SLC16A14: variants seen among roughly 807,000 people sequenced by gnomAD.
The protein encoded by SLC16A14 is solute carrier family 16 member 14.
In SLC16A14, 14 loss-of-function variants were observed where a neutral mutation model predicts 35.8. That is an observed-to-expected ratio of 0.39 (90% CI 0.26 to 0.61). SLC16A14 has a LOEUF of 0.61. SLC16A14 is among the 20% of genes least tolerant of loss of function. The probability of loss-of-function intolerance (pLI) is 0.51; values close to 1 mark genes in which losing one functional copy is unlikely to be tolerated. For missense variants in SLC16A14, 533 were observed against 655.0 expected, an observed-to-expected ratio of 0.81 and a Z score of 2.03; for synonymous variants, 248 against 258.9, an observed-to-expected ratio of 0.96 and a Z score of 0.40.
At chr2:230,052,193 C>T (rs1424907322) in intron 2 of SLC16A14, among the ~76,000 whole-genome samples, 1 of 152,068 alleles carries the variant, frequency 6.6e-6, no homozygotes, top group East Asian at 1.9e-4. Context: ...TCTCGGCCTC[C>T]CAAAGTGCTG....
chr2:230,058,954 A>G, intron 2 of SLC16A14, 140 bp downstream of exon 2: 3 of 1,439,860 alleles, frequency 2.1e-6, no homozygotes, highest in Middle Eastern at 2.6e-4. Context: ...ATTTTATGTT[A>G]TGCATATTTT....
At chr2:230,056,447 G>A (rs964317316) in intron 2 of SLC16A14, among the ~76,000 whole-genome samples, 1 of 151,950 alleles carries the variant, frequency 6.6e-6, no homozygotes, top group African/African-American at 2.4e-5. Flanking sequence ...GTAAAGGCAG[G>A]GTTTCACCAT....
intron 2 of SLC16A14, among the ~76,000 whole-genome samples, chr2:230,052,505 A>G (rs1359354694): frequency 6.6e-6 from 1 of 152,132 alleles, no homozygotes; most frequent in African/African-American, 2.4e-5. Context: ...TAGCCTTTTC[A>G]AAGGTCAACA....
intron 2 of SLC16A14, among the ~76,000 whole-genome samples, chr2:230,052,938 CTCTT>C (rs1048440496): frequency 2.3e-5 from 3 of 131,624 alleles, no homozygotes; most frequent in Non-Finnish European, 3.4e-5. Flanking sequence ...CTTTCTCTCT[CTCTT>C]TCTTTCTTTC....
intron 1 of SLC16A14, among the ~76,000 whole-genome samples, chr2:230,061,794 G>C (rs1436025455): frequency 6.6e-6 from 1 of 150,988 alleles, no homozygotes; most frequent in Non-Finnish European, 1.5e-5. Context: ...CAGGCTGGAG[G>C]GCAGTGGCGT....
intron 4 of SLC16A14, among the ~76,000 whole-genome samples, chr2:230,044,921 T>C (rs887687204): frequency 6.6e-6 from 1 of 152,088 alleles, no homozygotes; most frequent in African/African-American, 2.4e-5. Flanking sequence ...TGGCAACTTA[T>C]TATCGCAACA....
intron 2 of SLC16A14, among the ~76,000 whole-genome samples, chr2:230,052,824 G>A (rs1334675813): frequency 1.3e-5 from 2 of 151,548 alleles, no homozygotes; most frequent in Non-Finnish European, 2.9e-5. Context: ...CAGAAATGCT[G>A]TGACTTCTCC....
chr2:230,054,058 TG>T (rs2077684130), intron 2 of SLC16A14, among the ~76,000 whole-genome samples: 1 of 146,458 alleles, frequency 6.8e-6, no homozygotes, highest in African/African-American at 2.5e-5. Flanking sequence ...TCCTGATACT[TG>T]GAGCCCATCC....
At chr2:230,042,413 T>A (rs2077568116) in intron 4 of SLC16A14, among the ~76,000 whole-genome samples, 1 of 152,236 alleles carries the variant, frequency 6.6e-6, no homozygotes, top group African/African-American at 2.4e-5. Flanking sequence ...CTCTGGTGCG[T>A]TGACTAACAT....
At chr2:230,053,850 G>A (rs1432432523) in intron 2 of SLC16A14, among the ~76,000 whole-genome samples, 1 of 152,174 alleles carries the variant, frequency 6.6e-6, no homozygotes. Context: ...CATCCTGGCA[G>A]CTGACAGGTT....
chr2:230,050,418 C>G (rs896106715), intron 2 of SLC16A14, among the ~76,000 whole-genome samples: 9 of 152,160 alleles, frequency 5.9e-5, no homozygotes, highest in Non-Finnish European at 8.8e-5. Context: ...TAAACCTGGC[C>G]TCAATTACAT....
rs762302084 is a variant in SLC16A14, at chr2:230,059,220, T to C, written c.133A>G (p.Ile45Val). The C allele has an allele frequency of 6.2e-7, 1 of 1,614,178 alleles. No individual in the cohort carries two copies. ...MMVLSSFFVH[I>V]LIMGSQMALG... The stretch of plus-strand genomic sequence containing the variant: ...GCCATCTGGGAGCCCATGATGAGGA[T>C]GTGCACAAAGAAAGAGGAGAGCACC... The change falls in exon 2 of 5, where the codon ATC (isoleucine) becomes GTC (valine). Residue 45 changes from isoleucine (I) to valine (V), a missense_variant. Ile to Val is a conservative substitution (Grantham distance 29). Transcript: ENST00000295190.
rs1057068874 is a variant in SLC16A14 at position 230,036,244 on chromosome 2, A to G, written c.*1136T>C. On this transcript the variant is annotated 3_prime_UTR_variant, in exon 5 of 5. Coordinates refer to ENST00000295190, the MANE Select transcript of SLC16A14 (RefSeq NM_152527.5). ...GAAAGGGCATTATTAGATGTCATGGATCACAGTCATCTTCTGTATGAAATC... is the reference window on the plus strand; with the variant it reads ...GAAAGGGCATTATTAGATGTCATGGGTCACAGTCATCTTCTGTATGAAATC... The G allele has an allele frequency of 9.2e-5, 14 of 152,636 alleles. No homozygotes were observed. The highest frequency in any genetic ancestry group is 3.4e-4 in the African/African-American group (14 of 41,466). 9.5% of individuals were successfully genotyped at this position (152,636 alleles called of 1,614,324 possible).
At chr2:230,063,217 G>T (rs187917110) in intron 1 of SLC16A14, among the ~76,000 whole-genome samples, 2 of 151,414 alleles carry the variant, frequency 1.3e-5, no homozygotes, top group Admixed American at 1.3e-4. Context: ...AAGCTGTGGG[G>T]GTGAAGGTTG....
At chr2:230,054,660 G>A (rs2077690622) in intron 2 of SLC16A14, among the ~76,000 whole-genome samples, 1 of 152,116 alleles carries the variant, frequency 6.6e-6, no homozygotes, top group South Asian at 2.1e-4. Flanking sequence ...CCCTACCCTT[G>A]GCTAAATTAA....
chr2:230,057,457 G>T (rs539615651), intron 2 of SLC16A14, among the ~76,000 whole-genome samples: 119 of 152,226 alleles, frequency 7.8e-4, no homozygotes, highest in Admixed American at 1.1e-3. Context: ...ATGTTCCCAT[G>T]TTAAACAATT....
At chr2:230,039,778 C>T (rs2077545437) in intron 4 of SLC16A14, among the ~76,000 whole-genome samples, 3 of 152,190 alleles carry the variant, frequency 2.0e-5, no homozygotes, top group Admixed American at 2.0e-4. Context: ...CTGTAACTAA[C>T]AAACAGCTGA....
At chr2:230,067,772 T>A (rs1359689250) in intron 1 of SLC16A14, among the ~76,000 whole-genome samples, 1 of 152,158 alleles carries the variant, frequency 6.6e-6, no homozygotes, top group Non-Finnish European at 1.5e-5. Context: ...CTTGGCAGCG[T>A]TTAGCCCCGA....
chr2:230,039,981 C>T (rs897490500), intron 4 of SLC16A14, among the ~76,000 whole-genome samples: 1 of 152,124 alleles, frequency 6.6e-6, no homozygotes, highest in African/African-American at 2.4e-5. Context: ...ACATCTCTCC[C>T]CCGCTCATCA....
Sources: gnomAD v4.1 joint callset for allele counts (sites outside exome capture counted in the v4.1 genomes callset) on GRCh38, gnomAD v4.1.1 for gene constraint, MANE v1.5 for transcripts, NCBI Gene and HGNC (gene_info 2026-07-23, HGNC 2026-07-21) for gene names.